PDZD2: variants seen among roughly 807,000 people sequenced by gnomAD.
The protein encoded by PDZD2 is PDZ domain containing 2.
Under a neutral mutation model 220.7 loss-of-function variants are expected in PDZD2, and 90 were observed. That is an observed-to-expected ratio of 0.41 (90% CI 0.34 to 0.49). The LOEUF (loss-of-function observed/expected upper bound fraction) is 0.49, where lower values mean the gene tolerates loss of function less well. Ranked by LOEUF, PDZD2 falls within the 20% of genes least tolerant of loss-of-function variation. PDZD2 has a pLI of 0.28. For synonymous variants in PDZD2, 1,375 were observed against 1,450.5 expected, an observed-to-expected ratio of 0.95 and a Z score of 1.18; for missense variants, 3,174 against 3,608.5, an observed-to-expected ratio of 0.88 and a Z score of 3.08.
At chr5:31,874,452 CT>C (rs1739118974) in intron 2 of PDZD2, among the ~76,000 whole-genome samples, 1 of 152,058 alleles carries the variant, frequency 6.6e-6, no homozygotes. Flanking sequence ...TTTTAGAATT[CT>C]TTTCAAAACT....
rs1290300414 is a variant in PDZD2 at position 32,081,870 on chromosome 5, C to T, written c.3682+4264C>T. Among the ~76,000 whole-genome samples, 5 of 151,890 alleles carry T rather than the reference C, an allele frequency of 3.3e-5. No homozygotes were observed. In the East Asian group the frequency reaches 7.8e-4, roughly 24 times the overall value. On this transcript the variant is annotated intron_variant, in intron 19 of 24. Transcript: ENST00000438447. ...CTGAGTAGCTGGGACTACAGGCGTC[C>T]GCCACCACGCCCAGCTGATTTTTTT...
At chr5:31,807,023 C>T (rs1754771258) in intron 2 of PDZD2, among the ~76,000 whole-genome samples, 1 of 151,604 alleles carries the variant, frequency 6.6e-6, no homozygotes, top group South Asian at 2.1e-4. Flanking sequence ...CAACCTCCAC[C>T]TCCCGGGTTT....
chr5:31,876,180 T>C (rs1012285472), intron 2 of PDZD2, among the ~76,000 whole-genome samples: 1 of 152,182 alleles, frequency 6.6e-6, no homozygotes, highest in Non-Finnish European at 1.5e-5. Flanking sequence ...CTTGTGTCTA[T>C]GTACTTTCTA....
chr5:31,796,649 G>A (rs1254713051), intron 1 of PDZD2, among the ~76,000 whole-genome samples: 2 of 152,082 alleles, frequency 1.3e-5, no homozygotes, highest in African/African-American at 2.4e-5. Flanking sequence ...TGTTATCGCA[G>A]ACCTATTACA....
chr5:32,051,820 A>G (rs1263866484), intron 8 of PDZD2, among the ~76,000 whole-genome samples: 1 of 152,228 alleles, frequency 6.6e-6, no homozygotes, highest in Non-Finnish European at 1.5e-5. Flanking sequence ...GTGGAATAAC[A>G]GTTGTCTGGG....
chr5:31,666,340 G>A (rs993844368), intron 1 of PDZD2, among the ~76,000 whole-genome samples: 5 of 152,264 alleles, frequency 3.3e-5, no homozygotes, highest in African/African-American at 9.6e-5. Context: ...AGGAGCATGG[G>A]GTTTTAATTT....
At chr5:31,665,645 C>CCCT (rs35752130) in intron 1 of PDZD2, among the ~76,000 whole-genome samples, 1 of 24,462 alleles carries the variant, frequency 4.1e-5, no homozygotes, top group Non-Finnish European at 9.6e-5. Context: ...AGTTCCCCCT[C>CCCT]CCCCCCCTCC....
At chr5:31,864,037 G>T (rs936977488) in intron 2 of PDZD2, among the ~76,000 whole-genome samples, 1 of 152,130 alleles carries the variant, frequency 6.6e-6, no homozygotes, top group Non-Finnish European at 1.5e-5. Flanking sequence ...GTGAACTGCA[G>T]CATCTGGACT....
chr5:31,982,968 ATTGT>A (rs1750415275), intron 2 of PDZD2, among the ~76,000 whole-genome samples, 183 bp from the exon 3 acceptor site: 2 of 151,982 alleles, frequency 1.3e-5, no homozygotes, highest in African/African-American at 4.8e-5. Context: ...TTTGGGGGTA[ATTGT>A]TTGTATCAAT....
At chr5:31,911,492 C>T (rs764836579) in intron 2 of PDZD2, among the ~76,000 whole-genome samples, 1 of 152,236 alleles carries the variant, frequency 6.6e-6, no homozygotes, top group Non-Finnish European at 1.5e-5. Context: ...GAGCACGTGG[C>T]CACTGCATCG....
At chr5:31,889,509 G>C (rs1740817484) in intron 2 of PDZD2, among the ~76,000 whole-genome samples, 1 of 152,316 alleles carries the variant, frequency 6.6e-6, no homozygotes, top group Non-Finnish European at 1.5e-5. Flanking sequence ...CTCCTGTTGA[G>C]AAAATGTTTG....
At chr5:31,993,006 T>C (rs964418258) in intron 3 of PDZD2, among the ~76,000 whole-genome samples, 2 of 152,104 alleles carry the variant, frequency 1.3e-5, no homozygotes, top group Non-Finnish European at 2.9e-5. Flanking sequence ...TTTTCAATGG[T>C]ATCCACTAGG....
chr5:31,691,604 C>T (rs141053384), intron 1 of PDZD2, among the ~76,000 whole-genome samples: 1 of 147,574 alleles, frequency 6.8e-6, no homozygotes, highest in East Asian at 2.1e-4. Context: ...TGCTTTTATT[C>T]TCTTATCTGG....
intron 2 of PDZD2, among the ~76,000 whole-genome samples, chr5:31,828,752 C>A (rs1756380274): frequency 6.6e-6 from 1 of 152,230 alleles, no homozygotes; most frequent in Non-Finnish European, 1.5e-5. Context: ...CTTCATGCCT[C>A]AGCCTTAGAA....
At chr5:32,070,903 G>GAGAATTGCTTGAACCCGGGAGAA (rs56171290) in intron 15 of PDZD2, among the ~76,000 whole-genome samples, 1 of 151,488 alleles carries the variant, frequency 6.6e-6, no homozygotes, top group East Asian at 1.9e-4. Context: ...GCTGAGACAG[G>GAGAATTGCTTGAACCCGGGAGAA]AGAGGTTTCA....
chr5:31,980,957 T>A (rs182097138), intron 2 of PDZD2, among the ~76,000 whole-genome samples: 20 of 152,290 alleles, frequency 1.3e-4, no homozygotes, highest in Admixed American at 5.2e-4. Flanking sequence ...GGTTAACTTT[T>A]GTATTTTTAG....
Position 32,088,081 on chromosome 5 carries a change from G to A in PDZD2, c.4633G>A (p.Glu1545Lys). The part of the protein sequence containing the change: ...TSLSGLGDST[E>K]PSLSSMYGDA... ...CCTATCAGGCCTGGGTGACAGCACG[G>A]AGCCGTCTCTGTCATCCATGTATGG... The change falls in exon 20 of 25, where the codon GAG becomes AAG. Residue 1545 changes from glutamate to lysine, a missense_variant. This residue lies in a region of PDZD2 where 1,861 missense variants were observed against 2,001.0 expected (regional missense o/e 0.93). Coordinates refer to ENST00000438447, the MANE Select transcript of PDZD2 (RefSeq NM_178140.4). This position sits in a 1 kb window ranked among gnomAD's most constrained non-coding sequence, Gnocchi z 4.6. 6.2e-7 allele frequency: 1 copy of A among 1,614,180 alleles called. No individual in the cohort carries two copies. Among genetic ancestry groups the A allele is most frequent in the Non-Finnish European group, 8.5e-7 (1 of 1,180,006 alleles).
At chr5:31,993,708 A>ATTTGTTTCATATGAAGATGGCT (rs1751413706) in intron 3 of PDZD2, among the ~76,000 whole-genome samples, 1 of 152,094 alleles carries the variant, frequency 6.6e-6, no homozygotes, top group Non-Finnish European at 1.5e-5. Context: ...ATCATATGTC[A>ATTTGTTTCATATGAAGATGGCT]TTTGTTTCAT....
chr5:32,011,135 C>G (rs1753284299), intron 6 of PDZD2, among the ~76,000 whole-genome samples: 1 of 151,556 alleles, frequency 6.6e-6, no homozygotes, highest in Non-Finnish European at 1.5e-5. Flanking sequence ...TGTTTGACAA[C>G]TACTATTAGT....
Sources: allele counts gnomAD v4.1 joint callset (sites outside exome capture counted in the v4.1 genomes callset), GRCh38; gene constraint gnomAD v4.1.1; regional missense constraint gnomAD v4.1.1; non-coding constraint Gnocchi (gnomAD v3.1); transcripts MANE v1.5; gene names NCBI Gene and HGNC (gene_info 2026-07-23, HGNC 2026-07-21).